SCAP: variants seen among roughly 807,000 people sequenced by gnomAD.
SCAP encodes sterol regulatory element-binding protein cleavage-activating protein.
SCAP carries 65 observed loss-of-function variants against 123.6 expected under a neutral mutation model. The ratio of observed to expected loss-of-function variants is 0.53; its 90% CI spans 0.43 to 0.65. The LOEUF (loss-of-function observed/expected upper bound fraction) is 0.65. SCAP is among the 30% of genes least tolerant of loss of function. The pLI, the probability that SCAP is intolerant of heterozygous loss-of-function variation, is 0.00. For missense variants in SCAP, 1,398 were observed against 1,712.5 expected (o/e 0.82, Z 3.24); for synonymous variants, 740 against 726.3 (o/e 1.02, Z -0.30).
In SCAP at chr3:47,435,103, C is replaced by T; in HGVS notation, c.157G>A (p.Gly53Arg). The T allele has an allele frequency of 6.2e-7, 1 of 1,614,010 alleles. No individual in the cohort carries two copies. The highest frequency in any genetic ancestry group is 8.5e-7 in the Non-Finnish European group (1 of 1,179,946). The change falls in exon 3 of 23, where the codon GGA (glycine) becomes AGA (arginine). Residue 53 changes from glycine (G) to arginine (R), a missense_variant. By Grantham distance (125) the Gly-to-Arg change is moderately radical (BLOSUM62 -2). Coordinates refer to ENST00000265565, the MANE Select transcript of SCAP (RefSeq NM_012235.4). ...PLLKLPLPGT[G>R]PVEFTTPVKD... ...ACAGGGGTGGTGAATTCCACAGGTC[C>T]TGTTCCTGGCAAGGGGAGTTTCAGC...
chr3:47,476,684 G>A (rs1708279721), upstream of SCAP, among the ~76,000 whole-genome samples: 1 of 152,112 alleles, frequency 6.6e-6, no homozygotes, highest in Admixed American at 6.6e-5. Context: ...CTCGCATTTG[G>A]CCCTCCTGAA....
chr3:47,423,826 G>C, intron 9 of SCAP, 107 bp downstream of exon 9: 1 of 799,930 alleles, frequency 1.3e-6, no homozygotes, highest in Non-Finnish European at 2.1e-6. Context: ...GCAAGAGCAA[G>C]GGACATTTCA....
At chr3:47,416,107 C>T (rs1283381051) in intron 18 of SCAP, among the ~76,000 whole-genome samples, 2 of 152,216 alleles carry the variant, frequency 1.3e-5, no homozygotes, top group African/African-American at 4.8e-5. Context: ...ACGCCCCCTC[C>T]CCAAGGAAAA....
chr3:47,421,118 T>G, intron 10 of SCAP, 89 bp from the exon 11 acceptor site: 1 of 1,009,268 alleles, frequency 9.9e-7, no homozygotes, highest in Non-Finnish European at 1.6e-6. Flanking sequence ...AGCCACCTCA[T>G]AACCGGCAGG....
At chr3:47,473,269 C>T (rs1477910884) in intron 1 of SCAP, among the ~76,000 whole-genome samples, 1 of 151,806 alleles carries the variant, frequency 6.6e-6, no homozygotes, top group Non-Finnish European at 1.5e-5. Flanking sequence ...TGTTATCTCA[C>T]CTGGTTATTA....
intron 16 of SCAP, 149 bp from the exon 17 acceptor site, chr3:47,417,975 G>T (rs1198633729): frequency 7.9e-6 from 4 of 504,494 alleles, no homozygotes; most frequent in Admixed American, 7.8e-5. Context: ...GGAGAGGGGG[G>T]TACGGGGTGG....
At chr3:47,447,949 A>G (rs978629403) in intron 1 of SCAP, among the ~76,000 whole-genome samples, 4 of 140,014 alleles carry the variant, frequency 2.9e-5, no homozygotes, top group Admixed American at 7.4e-5. Context: ...AGGTTGCAGT[A>G]AGCTGAGATA....
chr3:47,465,773 A>G (rs1707800477), intron 1 of SCAP, among the ~76,000 whole-genome samples: 1 of 152,014 alleles, frequency 6.6e-6, no homozygotes, highest in Admixed American at 6.6e-5. Flanking sequence ...CGTCTCAAAA[A>G]AAAAAAAAGA....
chr3:47,470,732 G>A (rs1452555173), intron 1 of SCAP, among the ~76,000 whole-genome samples: 4 of 152,152 alleles, frequency 2.6e-5, no homozygotes, highest in African/African-American at 9.7e-5. Flanking sequence ...GTGGTGGCAG[G>A]TGCCTGTAAT....
intron 2 of SCAP, among the ~76,000 whole-genome samples, chr3:47,442,153 C>G (rs992943529): frequency 1.3e-5 from 2 of 152,270 alleles, no homozygotes; most frequent in Admixed American, 1.3e-4. Flanking sequence ...ATCTGAAGAA[C>G]AGAATTCTTT....
rs371639097 is a variant in SCAP at position 47,457,704 on chromosome 3, G to A, written c.-98-14613C>T. 5.3e-4 allele frequency among the ~76,000 whole-genome samples: 80 copies of A among 150,046 alleles called. No homozygotes were observed. In the South Asian group the frequency reaches 0.015, roughly 28 times the overall value. On this transcript the variant is annotated intron_variant, in intron 1 of 22. Coordinates refer to ENST00000265565, the MANE Select transcript of SCAP (RefSeq NM_012235.4). ...GGGTGGGTCACGAGGTCAGGAGATCGAGACCATCCTGGCTAACATAGTGAA... is the reference window on the plus strand; with the variant it reads ...GGGTGGGTCACGAGGTCAGGAGATCAAGACCATCCTGGCTAACATAGTGAA...
At chr3:47,438,198 C>T (rs1026131017) in intron 2 of SCAP, among the ~76,000 whole-genome samples, 4 of 152,196 alleles carry the variant, frequency 2.6e-5, no homozygotes, top group African/African-American at 9.7e-5. Context: ...TTTGACAATA[C>T]CATGTTTTGA....
At chr3:47,423,464 G>A (rs1439319710) in intron 9 of SCAP, among the ~76,000 whole-genome samples, 1 of 152,214 alleles carries the variant, frequency 6.6e-6, no homozygotes, top group East Asian at 1.9e-4. Context: ...TGTGATCACG[G>A]CTCACTGCAG....
intron 1 of SCAP, among the ~76,000 whole-genome samples, chr3:47,464,480 C>T (rs1486872517): frequency 6.6e-6 from 1 of 151,910 alleles, no homozygotes; most frequent in Non-Finnish European, 1.5e-5. Flanking sequence ...AGGTAATATG[C>T]CACATTACTA....
rs1707176244 is a variant in SCAP, at chr3:47,449,745, G to A, written c.-98-6654C>T. 1.6e-5 allele frequency among the ~76,000 whole-genome samples: 2 copies of A among 122,948 alleles called. 1 individual carries two copies. Among genetic ancestry groups the A allele is most frequent in the South Asian group, 6.0e-4 (2 of 3,316 alleles). The allele number at this position is 122,948 out of a possible 152,430, so 80.7% of individuals were successfully genotyped here. On this transcript the variant is annotated intron_variant, in intron 1 of 22. Transcript: ENST00000265565. The stretch of plus-strand genomic sequence containing the variant: ...GCAGGCTGGAAAATATTGTATGGAG[G>A]AAAAAAAATTATGGGAAACTCACTA...
At chr3:47,416,866 TC>T (rs1474249305) in intron 18 of SCAP, among the ~76,000 whole-genome samples, 1 of 151,990 alleles carries the variant, frequency 6.6e-6, no homozygotes, top group Non-Finnish European at 1.5e-5. Context: ...GACCTCGTGA[TC>T]CGCCCGCCTC....
chr3:47,416,099 G>A lies in SCAP; in HGVS notation c.3057-919C>T, dbSNP rs148586029. ...ATCAACATCACTAAGGGCAAGGGACGCCCCCTCCCCAAGGAAAAAGACTCC... is the reference window on the plus strand; with the variant it reads ...ATCAACATCACTAAGGGCAAGGGACACCCCCTCCCCAAGGAAAAAGACTCC... On this transcript the variant is annotated intron_variant, in intron 18 of 22. Coordinates refer to ENST00000265565, the MANE Select transcript of SCAP (RefSeq NM_012235.4). 4.0e-3 allele frequency among the ~76,000 whole-genome samples: 616 copies of A among 152,290 alleles called. 1 individual carries two copies. Among genetic ancestry groups the A allele is most frequent in the Non-Finnish European group, 5.9e-3 (399 of 68,028 alleles).
In SCAP at chr3:47,426,122, G is replaced by C. The variant is rs139135816; in HGVS notation, c.785C>G (p.Pro262Arg). 1.2e-6 allele frequency: 2 copies of C among 1,613,912 alleles called. No homozygotes were observed. The highest frequency in any genetic ancestry group is 8.5e-7 in the Non-Finnish European group (1 of 1,179,984). ...GCTCTCCGCCCGAAGGCTGCAGTTG[G>C]GGCTGGGGTGCAGAAGCATCAGGCG... Reference protein sequence around the residue: ...RARLMLLHPSPNCSLRAESLV... With the variant: ...RARLMLLHPSRNCSLRAESLV... Residue 262 changes from proline (P) to arginine (R), a missense_variant, in exon 7 of 23, where the codon CCC (proline) becomes CGC (arginine). Around this residue, in one of 7 missense-constraint regions of SCAP, gnomAD observed 319 missense variants for 432.4 expected, o/e 0.74. Coordinates refer to ENST00000265565, the MANE Select transcript of SCAP (RefSeq NM_012235.4).
intron 8 of SCAP, 193 bp downstream of exon 8, chr3:47,425,292 T>G (rs543794993): frequency 3.2e-6 from 2 of 617,306 alleles, no homozygotes; most frequent in East Asian, 5.8e-5. Context: ...TAGCTAGATA[T>G]GCTATATACA....
Sources: allele counts gnomAD v4.1 joint callset (sites outside exome capture counted in the v4.1 genomes callset), GRCh38; gene constraint gnomAD v4.1.1; regional missense constraint gnomAD v4.1.1; transcripts MANE v1.5; gene names NCBI Gene and HGNC (gene_info 2026-07-23, HGNC 2026-07-21).